CHSY3: variants seen among roughly 807,000 people sequenced by gnomAD.
CHSY3 encodes chondroitin sulfate synthase 3.
In CHSY3, 35 loss-of-function variants were observed where a neutral mutation model predicts 67.2. The observed-to-expected ratio is 0.52, with a 90% CI of 0.40 to 0.69. The LOEUF is 0.69. Among genes scored for constraint, CHSY3 ranks in the 30% least tolerant of loss-of-function variants. The pLI is 0.00. For synonymous variants in CHSY3, 474 were observed against 434.7 expected, an observed-to-expected ratio of 1.09 and a Z score of -1.12; for missense variants, 1,069 against 1,138.5, an observed-to-expected ratio of 0.94 and a Z score of 0.88.
chr5:130,140,811 T>C, intron 2 of CHSY3: 1 of 234,634 alleles, frequency 4.3e-6, no homozygotes. Flanking sequence ...GTCTGATGCC[T>C]CCATACTTCT....
intron 2 of CHSY3, among the ~76,000 whole-genome samples, chr5:130,055,222 T>C (rs1043510222): frequency 1.3e-5 from 2 of 152,018 alleles, no homozygotes; most frequent in Non-Finnish European, 2.9e-5. Flanking sequence ...AACAAACAAT[T>C]CTGTGTTTTT....
At chr5:129,910,042 G>C (rs1036065603) in intron 2 of CHSY3, among the ~76,000 whole-genome samples, 2 of 151,918 alleles carry the variant, frequency 1.3e-5, no homozygotes, top group Non-Finnish European at 2.9e-5. Context: ...GTTCAAGACA[G>C]TAAGATATGC....
At chr5:130,101,730 G>A (rs10463863) in intron 2 of CHSY3, among the ~76,000 whole-genome samples, 186 of 151,904 alleles carry the variant, frequency 1.2e-3, no homozygotes, top group Middle Eastern at 0.01. Flanking sequence ...TTACATTTAG[G>A]TAGATATGTA....
intron 2 of CHSY3, among the ~76,000 whole-genome samples, chr5:130,146,115 A>T (rs1769066576): frequency 6.6e-6 from 1 of 152,058 alleles, no homozygotes; most frequent in African/African-American, 2.4e-5. Context: ...ATCCAAAGGA[A>T]ATATAATCAG....
chr5:130,015,301 A>G (rs1764186503), intron 2 of CHSY3, among the ~76,000 whole-genome samples: 1 of 152,200 alleles, frequency 6.6e-6, no homozygotes, highest in Non-Finnish European at 1.5e-5. Context: ...TGAGTGAATT[A>G]AACTTATTTT....
At chr5:129,956,256 AT>A (rs1762170104) in intron 2 of CHSY3, among the ~76,000 whole-genome samples, 1 of 151,936 alleles carries the variant, frequency 6.6e-6, no homozygotes, top group South Asian at 2.1e-4. Flanking sequence ...AATAATAGCC[AT>A]TTTGATGGTA....
chr5:130,166,864 C>A (rs766320696), intron 2 of CHSY3, among the ~76,000 whole-genome samples: 1 of 151,996 alleles, frequency 6.6e-6, no homozygotes, highest in Non-Finnish European at 1.5e-5. Context: ...TGAGCCTTTC[C>A]TTCTTTTTTT....
intron 2 of CHSY3, among the ~76,000 whole-genome samples, chr5:130,014,775 A>C (rs1459483436): frequency 1.3e-5 from 2 of 152,210 alleles, no homozygotes; most frequent in African/African-American, 4.8e-5. Flanking sequence ...TCCAGGAAAT[A>C]CTATTCTGAA....
chr5:129,919,839 G>T, intron 2 of CHSY3, among the ~76,000 whole-genome samples: 1 of 152,150 alleles, frequency 6.6e-6, no homozygotes, highest in East Asian at 1.9e-4. Context: ...AGTTATAGTT[G>T]TATATGTATG....
At chr5:130,002,689 T>A (rs906555151) in intron 2 of CHSY3, among the ~76,000 whole-genome samples, 1 of 152,210 alleles carries the variant, frequency 6.6e-6, no homozygotes, top group Non-Finnish European at 1.5e-5. Flanking sequence ...TTTGAGATGA[T>A]GTCTATATTA....
chr5:130,089,238 G>A (rs1173293958), intron 2 of CHSY3, among the ~76,000 whole-genome samples: 1 of 110,442 alleles, frequency 9.1e-6, no homozygotes, highest in Admixed American at 1.1e-4. Context: ...GGGGGGTGGG[G>A]GGAGGGATAG....
chr5:130,050,620 C>T (rs1765313000), intron 2 of CHSY3, among the ~76,000 whole-genome samples: 1 of 152,080 alleles, frequency 6.6e-6, no homozygotes, highest in South Asian at 2.1e-4. Context: ...AAACTTGAAA[C>T]ATGATATAAT....
chr5:130,161,236 T>G (rs1226720018), intron 2 of CHSY3, among the ~76,000 whole-genome samples: 1 of 152,142 alleles, frequency 6.6e-6, no homozygotes, highest in Non-Finnish European at 1.5e-5. Context: ...ACTTGTTGAA[T>G]GATTAATCCT....
In CHSY3 at chr5:129,919,545, C is replaced by CAGGAAAGAGA. The variant is rs548511818; in HGVS notation, c.1086+11188_1086+11189insAAAGAGAAGG. On this transcript the variant is annotated intron_variant, in intron 2 of 2. Transcript: ENST00000305031. ...GCGAAAGGCACATCTTACATAGCAG[C>CAGGAAAGAGA]AGGCAAGAGAGAGAATGAGAACCAA... Among the ~76,000 whole-genome samples the CAGGAAAGAGA allele has an allele frequency of 4.0e-3, 608 of 152,286 alleles. 5 individuals are homozygous for CAGGAAAGAGA. The highest frequency in any genetic ancestry group is 0.014 in the African/African-American group (578 of 41,550).
chr5:130,027,981 A>G (rs1764597956), intron 2 of CHSY3, among the ~76,000 whole-genome samples: 1 of 152,162 alleles, frequency 6.6e-6, no homozygotes, highest in Non-Finnish European at 1.5e-5. Context: ...CTTTGGGTAT[A>G]TACCCAGTAA....
At chr5:129,989,548 C>T (rs1484717879) in intron 2 of CHSY3, among the ~76,000 whole-genome samples, 1 of 152,128 alleles carries the variant, frequency 6.6e-6, no homozygotes, top group African/African-American at 2.4e-5. Flanking sequence ...CCTCACTTTC[C>T]AACACTGCTG....
At chr5:129,962,755 T>C (rs1762368470) in intron 2 of CHSY3, among the ~76,000 whole-genome samples, 1 of 151,970 alleles carries the variant, frequency 6.6e-6, no homozygotes, top group Non-Finnish European at 1.5e-5. Context: ...CTGGCTTTTT[T>C]TGTACATATT....
intron 2 of CHSY3, among the ~76,000 whole-genome samples, chr5:130,035,335 A>G (rs1394813166): frequency 6.6e-6 from 1 of 152,128 alleles, no homozygotes; most frequent in African/African-American, 2.4e-5. Flanking sequence ...GCAAAAAAAG[A>G]GAGGAATCCA....
At chr5:130,068,417 G>A (rs1262568123) in intron 2 of CHSY3, among the ~76,000 whole-genome samples, 1 of 152,094 alleles carries the variant, frequency 6.6e-6, no homozygotes, top group Non-Finnish European at 1.5e-5. Flanking sequence ...CTGATTTCCT[G>A]TTTGTCAGTA....
Sources: gnomAD v4.1 joint callset for allele counts (sites outside exome capture counted in the v4.1 genomes callset) on GRCh38, gnomAD v4.1.1 for gene constraint, MANE v1.5 for transcripts, NCBI Gene and HGNC (gene_info 2026-07-23, HGNC 2026-07-21) for gene names.